Variants in JAKMIP3 observed in about 807,000 individuals in gnomAD.
JAKMIP3 encodes the protein Janus kinase and microtubule interacting protein 3.
Under a neutral mutation model 118.5 loss-of-function variants are expected in JAKMIP3, and 58 were observed. That is an observed-to-expected ratio of 0.49 (90% CI 0.40 to 0.61). The LOEUF is 0.61. Among genes scored for constraint, JAKMIP3 ranks in the 20% least tolerant of loss-of-function variants. JAKMIP3 has a pLI of 0.00. For missense variants in JAKMIP3, 950 were observed against 1,109.0 expected (o/e 0.86, Z 2.04); for synonymous variants, 486 against 451.2 (o/e 1.08, Z -0.98).
rs1396642583 is a variant in JAKMIP3 at position 132,097,989 on chromosome 10, C to T, written c.-137-6683C>T. 3.1e-4 allele frequency among the ~76,000 whole-genome samples: 24 copies of T among 78,324 alleles called. 4 individuals are homozygous for T. The highest frequency in any genetic ancestry group is 9.4e-4 in the East Asian group (2 of 2,120). The allele number at this position is 78,324 out of a possible 152,430, so 51.4% of individuals were successfully genotyped here. A position where few individuals can be genotyped will look rare whatever the true frequency, so the allele number is the denominator to read the frequency against. The stretch of plus-strand genomic sequence containing the variant: ...TCCTTCCTTTTCTCCCCTTCCCCTT[C>T]CCCTTCCCCTTCCCCTCCTTCCTTT... On this transcript the variant is annotated intron_variant, in intron 1 of 23. Coordinates refer to ENST00000684848, the MANE Select transcript of JAKMIP3 (RefSeq NM_001323087.2).
chr10:132,172,438 GA>G (rs1194140194), intron 23 of JAKMIP3, among the ~76,000 whole-genome samples: 2 of 152,076 alleles, frequency 1.3e-5, no homozygotes, highest in Non-Finnish European at 2.9e-5. Flanking sequence ...GTTTCTCTGT[GA>G]ACGTTGCCCC....
intron 1 of JAKMIP3, among the ~76,000 whole-genome samples, chr10:132,083,046 A>G (rs1369147364): frequency 2.0e-5 from 3 of 152,228 alleles, no homozygotes; most frequent in Non-Finnish European, 2.9e-5. Flanking sequence ...TCCTCTGGGT[A>G]GATACCCAGT....
chr10:132,155,722 G>A (rs116065260), intron 19 of JAKMIP3, among the ~76,000 whole-genome samples: 7,254 of 152,274 alleles, frequency 0.048, 382 homozygotes, highest in South Asian at 0.13. Context: ...TGGCCCTCCT[G>A]TTGCTATGGT....
intron 3 of JAKMIP3, among the ~76,000 whole-genome samples, chr10:132,121,848 C>T (rs7918152): frequency 0.22 from 33,664 of 152,068 alleles, 3,849 homozygotes; most frequent in East Asian, 0.37. Flanking sequence ...CCTGTCCCAC[C>T]AAGGTCCACC....
chr10:132,046,288 T>C (rs1358513601), intron 1 of JAKMIP3, among the ~76,000 whole-genome samples: 1 of 151,970 alleles, frequency 6.6e-6, no homozygotes, highest in Non-Finnish European at 1.5e-5. Context: ...CCCCCGTCTC[T>C]ACTAAAAATA....
At chr10:132,039,356 C>T (rs934560847) in intron 1 of JAKMIP3, among the ~76,000 whole-genome samples, 28 of 150,624 alleles carry the variant, frequency 1.9e-4, no homozygotes, top group African/African-American at 6.4e-4. Flanking sequence ...CCACACCAGG[C>T]CCCCGTCTGC....
chr10:132,147,648 C>T lies in JAKMIP3; in HGVS notation c.1750-304C>T, dbSNP rs112038752. ...CCCTGCTGGAGACGTTTATCCTTGA[C>T]GGCCTCCCTTCCACATCCCTGTCCA... On this transcript the variant is annotated intron_variant, in intron 13 of 23. Coordinates refer to ENST00000684848, the MANE Select transcript of JAKMIP3 (RefSeq NM_001323087.2). Among the ~76,000 whole-genome samples the T allele has an allele frequency of 5.0e-3, 769 of 152,368 alleles. 2 individuals carry two copies. Among genetic ancestry groups the T allele is most frequent in the African/African-American group, 0.017 (726 of 41,590 alleles).
intron 23 of JAKMIP3, among the ~76,000 whole-genome samples, chr10:132,177,159 C>G (rs569135584): frequency 2.6e-4 from 39 of 152,332 alleles, no homozygotes; most frequent in Non-Finnish European, 5.0e-4. Flanking sequence ...GTCTTGCAAT[C>G]TATAATGCAA....
At chr10:132,167,320 A>G (rs2059010663) in intron 22 of JAKMIP3, among the ~76,000 whole-genome samples, 1 of 152,148 alleles carries the variant, frequency 6.6e-6, no homozygotes, top group Admixed American at 6.5e-5. Flanking sequence ...CAGGGTTCCC[A>G]CCACCACCCC....
At chr10:132,070,602 A>G (rs1425959969) in intron 1 of JAKMIP3, among the ~76,000 whole-genome samples, 2 of 152,112 alleles carry the variant, frequency 1.3e-5, no homozygotes, top group Non-Finnish European at 2.9e-5. Flanking sequence ...GCGTTTGTCT[A>G]CTCATTCCTG....
chr10:132,173,489 G>C (rs1026756238), intron 23 of JAKMIP3, among the ~76,000 whole-genome samples: 6 of 151,900 alleles, frequency 3.9e-5, no homozygotes, highest in Non-Finnish European at 8.8e-5. Context: ...TTTCCCCCCA[G>C]CCTCACGGTG....
upstream of JAKMIP3, among the ~76,000 whole-genome samples, chr10:132,036,508 C>T (rs1053631090): frequency 1.3e-5 from 2 of 152,284 alleles, no homozygotes; most frequent in Non-Finnish European, 2.9e-5. Context: ...GTTTTAGGAG[C>T]TTGCACAGCG....
intron 1 of JAKMIP3, among the ~76,000 whole-genome samples, chr10:132,036,906 T>TCCTTGCCTCTCCCGGCGGTCCCCC (rs1431929165): frequency 6.6e-6 from 1 of 151,910 alleles, no homozygotes; most frequent in Non-Finnish European, 1.5e-5. Context: ...GGCGGGGTCC[T>TCCTTGCCTCTCCCGGCGGTCCCCC]CCTTGCCTCT....
chr10:132,180,676 CGCGCGCGT>C (rs751370699), intron 23 of JAKMIP3, among the ~76,000 whole-genome samples: 245 of 4,564 alleles, frequency 0.054, 35 homozygotes, highest in East Asian at 0.42. Context: ...CGTGTGTGTG[CGCGCGCGT>C]GTGTGTGCGT....
chr10:132,140,537 G>A lies in JAKMIP3; in HGVS notation c.1431G>A (p.Arg477=), dbSNP rs1174865559. The change falls in exon 10 of 24, where the codon AGG becomes AGA. Residue 477 remains arginine (R), a synonymous_variant. Coordinates refer to ENST00000684848, the MANE Select transcript of JAKMIP3 (RefSeq NM_001323087.2). The stretch of plus-strand genomic sequence containing the variant: ...CCTCCGTCTCTTACCAAACAGACAG[G>A]ACGGACCAGACCCCGTGCACCCCGG... ...DGSSVSYQTD[R]TDQTPCTPDD... 1 of 1,613,312 alleles carries A rather than the reference G, an allele frequency of 6.2e-7. No individual in the cohort carries two copies. The highest frequency in any genetic ancestry group is 8.5e-7 in the Non-Finnish European group (1 of 1,179,688).
At chr10:132,123,442 C>G (rs1228610203) in intron 3 of JAKMIP3, among the ~76,000 whole-genome samples, 1 of 151,950 alleles carries the variant, frequency 6.6e-6, no homozygotes, top group Admixed American at 6.5e-5. Context: ...TCCTCCTCCC[C>G]CAGTTGTCTA....
chr10:132,114,569 G>T (rs1369282586), intron 2 of JAKMIP3, among the ~76,000 whole-genome samples: 1 of 152,096 alleles, frequency 6.6e-6, no homozygotes, highest in Non-Finnish European at 1.5e-5. Flanking sequence ...GTCTGTTTTG[G>T]ATTCTGTTCT....
chr10:132,041,466 C>T lies in JAKMIP3; in HGVS notation c.-138+4728C>T, dbSNP rs79111886. 8.0e-3 allele frequency among the ~76,000 whole-genome samples: 1,219 copies of T among 152,338 alleles called. 3 individuals carry two copies. Among genetic ancestry groups the T allele is most frequent in the Non-Finnish European group, 0.011 (763 of 68,024 alleles). On this transcript the variant is annotated intron_variant, in intron 1 of 23. Transcript: ENST00000657785. ...GGCTGTGTTCTGGGAGCTGCTGCCC[C>T]GGACGGGCACAGCGGTAAACACCAG...
chr10:132,061,406 G>A (rs2038395156), upstream of JAKMIP3, among the ~76,000 whole-genome samples: 1 of 152,232 alleles, frequency 6.6e-6, no homozygotes. Flanking sequence ...TAAATAAATG[G>A]AGAACTAGCC....
Sources: allele counts gnomAD v4.1 joint callset (sites outside exome capture counted in the v4.1 genomes callset), GRCh38; gene constraint gnomAD v4.1.1; transcripts MANE v1.5; gene names NCBI Gene and HGNC (gene_info 2026-07-23, HGNC 2026-07-21).